The following MBP variants were observed in gnomAD, a reference collection of about 807,000 sequenced individuals.
MBP encodes Golli-MBP.
Under a neutral mutation model 35.8 loss-of-function variants are expected in MBP, and 16 were observed. The observed-to-expected ratio is 0.45, with a 90% CI of 0.30 to 0.68. The LOEUF (loss-of-function observed/expected upper bound fraction) is 0.68, where lower values mean the gene tolerates loss of function less well. MBP is among the 30% of genes least tolerant of loss of function. MBP has a pLI of 0.08. For synonymous variants in MBP, 143 were observed against 159.6 expected, an observed-to-expected ratio of 0.90 and a Z score of 0.78; for missense variants, 380 against 404.7, an observed-to-expected ratio of 0.94 and a Z score of 0.52.
Position 77,017,165 on chromosome 18 carries a change from GTGGGC to G in MBP, c.238_242del (p.Ala80ProfsTer3). On this transcript the variant is annotated frameshift_variant, in exon 4 of 9. Transcript: ENST00000355994. LOFTEE classifies it high-confidence loss of function. ...GGGGGCGGCTCCCTGGGTCAGCTGGGTGGGCATCCTGCCAGGCATTCTTCGGGTCC... is the reference window on the plus strand; with the variant it reads ...GGGGGCGGCTCCCTGGGTCAGCTGGGATCCTGCCAGGCATTCTTCGGGTCC... 6.5e-7 allele frequency: 1 copy of G among 1,549,964 alleles called. No individual in the cohort carries two copies. Among genetic ancestry groups the G allele is most frequent in the Non-Finnish European group, 8.7e-7 (1 of 1,146,966 alleles).
At chr18:77,031,962 G>A (rs1366948788) in intron 3 of MBP, among the ~76,000 whole-genome samples, 3 of 152,218 alleles carry the variant, frequency 2.0e-5, no homozygotes, top group African/African-American at 4.8e-5. Flanking sequence ...GTGAAGAGTC[G>A]GACAGAAACT....
intron 2 of MBP, chr18:77,068,843 T>C (rs1425572689): frequency 1.8e-5 from 7 of 395,888 alleles, no homozygotes; most frequent in Non-Finnish European, 3.0e-5. Context: ...CTGGCATTGC[T>C]AGAGATGTGG....
chr18:77,068,152 G>A lies in MBP; in HGVS notation c.52-1767C>T, dbSNP rs145067875. Among the ~76,000 whole-genome samples the A allele has an allele frequency of 1.5e-3, 236 of 152,278 alleles. 1 individual carries two copies. The highest frequency in any genetic ancestry group is 8.1e-3 in the East Asian group (42 of 5,188). ...TTTCTACAATTCAATGCTGTCTGGT[G>A]TGATTAACAGATAAAAAACACACGG... is the stretch of plus-strand genomic sequence containing the variant. On this transcript the variant is annotated intron_variant, in intron 2 of 8. Coordinates refer to ENST00000355994, the MANE Select transcript of MBP (RefSeq NM_001025101.2).
chr18:77,009,134 C>A (rs1971174611), intron 4 of MBP, among the ~76,000 whole-genome samples: 1 of 152,240 alleles, frequency 6.6e-6, no homozygotes, highest in African/African-American at 2.4e-5. Context: ...GTGGTGACCG[C>A]TCCTAGTGTG....
At chr18:77,064,542 A>G (rs60620279) in intron 3 of MBP, among the ~76,000 whole-genome samples, 14 of 152,298 alleles carry the variant, frequency 9.2e-5, no homozygotes, top group South Asian at 4.1e-4. Flanking sequence ...GTTGATTTTC[A>G]TGGACGCTTA....
intron 3 of MBP, among the ~76,000 whole-genome samples, chr18:77,033,808 A>G (rs1000960528): frequency 3.8e-4 from 58 of 150,812 alleles, no homozygotes; most frequent in Non-Finnish European, 7.1e-4. Flanking sequence ...CCACTCACCC[A>G]TCCACACACC....
At chr18:77,047,941 A>G (rs1008921881) in intron 3 of MBP, among the ~76,000 whole-genome samples, 5 of 152,270 alleles carry the variant, frequency 3.3e-5, no homozygotes, top group Admixed American at 6.5e-5. Context: ...ATACAATGAT[A>G]TCATAGTACC....
At chr18:77,033,788 AT>A (rs1418211506) in intron 3 of MBP, among the ~76,000 whole-genome samples, 27 of 145,968 alleles carry the variant, frequency 1.8e-4, no homozygotes, top group African/African-American at 4.2e-4. Flanking sequence ...CCATCCATCC[AT>A]CCATCCACCC....
chr18:77,112,300 C>T (rs1052775726), intron 1 of MBP, among the ~76,000 whole-genome samples: 6 of 152,158 alleles, frequency 3.9e-5, no homozygotes, highest in African/African-American at 1.2e-4. Flanking sequence ...GTGGGATGCG[C>T]GCTGCACACT....
intron 3 of MBP, among the ~76,000 whole-genome samples, chr18:77,064,991 C>T (rs377440410): frequency 6.6e-6 from 1 of 152,224 alleles, no homozygotes; most frequent in East Asian, 1.9e-4. Flanking sequence ...ACCTGCATAG[C>T]CCTGTGGTCT....
intron 2 of MBP, among the ~76,000 whole-genome samples, chr18:77,074,256 G>A (rs1258458371): frequency 6.6e-5 from 10 of 151,980 alleles, no homozygotes; most frequent in Admixed American, 5.9e-4. Flanking sequence ...CTGATGGTGG[G>A]GTCAGAAGAC....
At chr18:77,057,472 T>C (rs961703902) in intron 3 of MBP, among the ~76,000 whole-genome samples, 1 of 152,178 alleles carries the variant, frequency 6.6e-6, no homozygotes, top group Admixed American at 6.5e-5. Flanking sequence ...AGCCACGGAA[T>C]CACAATTAGC....
chr18:77,023,517 C>T (rs547412034), intron 3 of MBP, among the ~76,000 whole-genome samples: 1 of 152,268 alleles, frequency 6.6e-6, no homozygotes, highest in South Asian at 2.1e-4. Context: ...AGGATCCCTT[C>T]GTGGGTTCCA....
chr18:77,046,831 G>T (rs1469746020), intron 3 of MBP, among the ~76,000 whole-genome samples: 2 of 152,210 alleles, frequency 1.3e-5, no homozygotes, highest in African/African-American at 4.8e-5. Context: ...GTAAGTACTG[G>T]CTTAGAGGAA....
chr18:77,011,558 G>A (rs1971352649), intron 4 of MBP, among the ~76,000 whole-genome samples: 1 of 152,156 alleles, frequency 6.6e-6, no homozygotes, highest in Admixed American at 6.5e-5. Flanking sequence ...TCCCACTGAT[G>A]GTTTTCAGGA....
intron 2 of MBP, among the ~76,000 whole-genome samples, chr18:77,082,573 G>A (rs1325444966): frequency 6.6e-6 from 1 of 152,244 alleles, no homozygotes; most frequent in Non-Finnish European, 1.5e-5. Flanking sequence ...TGTACTGAAA[G>A]CATGGACATG....
At chr18:77,076,030 C>T (rs1056841701) in intron 2 of MBP, among the ~76,000 whole-genome samples, 5 of 152,124 alleles carry the variant, frequency 3.3e-5, no homozygotes, top group African/African-American at 4.8e-5. Context: ...AACTTTGATT[C>T]GAATAAATCA....
chr18:77,013,387 G>C, intron 4 of MBP: 1 of 985,358 alleles, frequency 1.0e-6, no homozygotes, highest in Non-Finnish European at 1.2e-6. Context: ...TCTCCAAATG[G>C]TACACGCCCC....
chr18:76,985,540 T>C, intron 7 of MBP: 1 of 1,123,592 alleles, frequency 8.9e-7, no homozygotes, highest in Non-Finnish European at 1.1e-6. Flanking sequence ...GGAATCAGTC[T>C]CCCTTGGCCA....
Sources: allele counts gnomAD v4.1 joint callset (sites outside exome capture counted in the v4.1 genomes callset), GRCh38; gene constraint gnomAD v4.1.1; transcripts MANE v1.5; gene names NCBI Gene and HGNC (gene_info 2026-07-23, HGNC 2026-07-21).